DOCK2: variants seen among roughly 807,000 people sequenced by gnomAD.
DOCK2 encodes dedicator of cytokinesis protein 2.
Under a neutral mutation model 248.9 loss-of-function variants are expected in DOCK2, and 87 were observed. The ratio of observed to expected loss-of-function variants is 0.35; its 90% CI spans 0.29 to 0.42. The LOEUF is 0.42. Among genes scored for constraint, DOCK2 ranks in the 10% least tolerant of loss-of-function variants. DOCK2 has a pLI of 1.00. For missense variants in DOCK2, 1,747 were observed against 2,300.2 expected (o/e 0.76, Z 4.92); for synonymous variants, 805 against 821.6 (o/e 0.98, Z 0.35).
chr5:169,863,291 A>G (rs1342083548), intron 27 of DOCK2, among the ~76,000 whole-genome samples: 2 of 152,112 alleles, frequency 1.3e-5, no homozygotes, highest in Non-Finnish European at 2.9e-5. Context: ...CGATTAATAT[A>G]TGTTTGAACC....
At chr5:169,774,520 C>G (rs2113780711) in intron 25 of DOCK2, among the ~76,000 whole-genome samples, 1 of 152,284 alleles carries the variant, frequency 6.6e-6, no homozygotes, top group East Asian at 1.9e-4. Flanking sequence ...GTCTGATTCC[C>G]CAGCACACAC....
At chr5:170,055,458 G>T in intron 42 of DOCK2, 72 bp downstream of exon 42, 2 of 1,391,774 alleles carry the variant, frequency 1.4e-6, no homozygotes, top group Non-Finnish European at 2.0e-6. Flanking sequence ...TGAGCTGGTG[G>T]CAGAACAGAC....
chr5:169,689,861 T>C (rs1195388663), intron 9 of DOCK2, among the ~76,000 whole-genome samples: 1 of 152,182 alleles, frequency 6.6e-6, no homozygotes. Context: ...TAAATACCAA[T>C]ACTCACTGAG....
intron 23 of DOCK2, among the ~76,000 whole-genome samples, chr5:169,757,822 G>A (rs1482678928): frequency 2.0e-5 from 3 of 152,126 alleles, no homozygotes; most frequent in Non-Finnish European, 4.4e-5. Context: ...TGGAAAAGAT[G>A]CTCAACCATA....
At chr5:170,008,874 AC>A in intron 32 of DOCK2, 128 bp downstream of exon 32, 1 of 1,144,448 alleles carries the variant, frequency 8.7e-7, no homozygotes, top group Non-Finnish European at 1.3e-6. Context: ...TACTGTGTGT[AC>A]CCCAGTTCCT....
At chr5:170,077,891 C>T (rs1439451729) in intron 48 of DOCK2, 54 bp downstream of exon 48, 9 of 1,402,050 alleles carry the variant, frequency 6.4e-6, no homozygotes, top group South Asian at 1.2e-5. Flanking sequence ...CTGGCTCTAT[C>T]CCCCCTCCTT....
intron 14 of DOCK2, 91 bp downstream of exon 14, chr5:169,702,518 T>C (rs1761036016): frequency 1.3e-6 from 2 of 1,563,374 alleles, no homozygotes; most frequent in Non-Finnish European, 1.7e-6. Context: ...GATTCTGTTG[T>C]CTAAATGCCA....
chr5:169,921,605 T>C (rs1324133915), intron 27 of DOCK2, among the ~76,000 whole-genome samples: 1 of 152,234 alleles, frequency 6.6e-6, no homozygotes, highest in Non-Finnish European at 1.5e-5. Flanking sequence ...AGATGTCTGT[T>C]TAACTTTGTT....
intron 27 of DOCK2, among the ~76,000 whole-genome samples, chr5:169,856,986 T>C (rs925787990): frequency 1.3e-5 from 2 of 152,232 alleles, no homozygotes; most frequent in African/African-American, 4.8e-5. Context: ...ATTCTAAGAA[T>C]TTGTGAAAGC....
At chr5:169,704,789 G>GTA (rs1554091072) in intron 14 of DOCK2, among the ~76,000 whole-genome samples, 2,769 of 148,108 alleles carry the variant, frequency 0.019, 65 homozygotes, top group African/African-American at 0.052. Context: ...GTGTGTGTGT[G>GTA]TGTGTGTGTG....
intron 32 of DOCK2, 89 bp from the exon 33 acceptor site, chr5:170,018,871 T>C: frequency 6.7e-7 from 1 of 1,486,658 alleles, no homozygotes; most frequent in Non-Finnish European, 9.1e-7. Flanking sequence ...CTATTATGCT[T>C]CCCTTTTTTT....
intron 31 of DOCK2, 22 bp downstream of exon 31, chr5:170,008,619 C>T: frequency 6.2e-7 from 1 of 1,613,984 alleles, no homozygotes; most frequent in Non-Finnish European, 8.5e-7. Flanking sequence ...TTTTGGATTT[C>T]CTGAAGAGGG....
intron 27 of DOCK2, chr5:169,882,774 T>G (rs1174778044): frequency 1.3e-6 from 2 of 1,551,698 alleles, no homozygotes. Flanking sequence ...GATGATTACT[T>G]CCTGGACAAT....
chr5:169,833,866 A>G (rs1769393261), intron 26 of DOCK2, among the ~76,000 whole-genome samples: 1 of 152,242 alleles, frequency 6.6e-6, no homozygotes, highest in Non-Finnish European at 1.5e-5. Flanking sequence ...AAAGACTTGC[A>G]TATATTGATA....
intron 27 of DOCK2, among the ~76,000 whole-genome samples, chr5:169,874,582 G>C (rs150847214): frequency 6.6e-6 from 1 of 152,114 alleles, no homozygotes. Context: ...TAGTGGTAAT[G>C]GTCAGCATTT....
At chr5:169,659,287 TC>T (rs1758314611) in intron 2 of DOCK2, among the ~76,000 whole-genome samples, 1 of 152,188 alleles carries the variant, frequency 6.6e-6, no homozygotes, top group South Asian at 2.1e-4. Flanking sequence ...TTTAGGTTTC[TC>T]ATCTGTTAAG....
intron 42 of DOCK2, among the ~76,000 whole-genome samples, chr5:170,055,757 C>T (rs909811678): frequency 6.6e-6 from 1 of 152,226 alleles, no homozygotes; most frequent in African/African-American, 2.4e-5. Context: ...GACAGGGGGC[C>T]TTGTCCATGC....
At chr5:169,784,465 A>C (rs547969433) in intron 25 of DOCK2, among the ~76,000 whole-genome samples, 10 of 152,342 alleles carry the variant, frequency 6.6e-5, no homozygotes, top group African/African-American at 2.4e-4. Flanking sequence ...TTAGGAATCC[A>C]GATTTTAGTT....
intron 35 of DOCK2, 27 bp from the exon 36 acceptor site, chr5:170,036,488 C>T (rs1410072202): frequency 1.8e-5 from 29 of 1,610,822 alleles, no homozygotes; most frequent in Non-Finnish European, 2.5e-5. Context: ...GAACAACACT[C>T]ATCATTGTTT....
Sources: allele counts gnomAD v4.1 joint callset (sites outside exome capture counted in the v4.1 genomes callset), GRCh38; gene constraint gnomAD v4.1.1; transcripts MANE v1.5; gene names NCBI Gene and HGNC (gene_info 2026-07-23, HGNC 2026-07-21).